The following INPP5D variants were observed in gnomAD, a reference collection of about 807,000 sequenced individuals.
INPP5D encodes inositol polyphosphate-5-phosphatase D, also known as phosphatidylinositol 3,4,5-trisphosphate 5-phosphatase 1.
Under a neutral mutation model 122.9 loss-of-function variants are expected in INPP5D, and 33 were observed. The observed-to-expected ratio is 0.27, with a 90% CI of 0.20 to 0.36. INPP5D has a LOEUF of 0.36. Among genes scored for constraint, INPP5D ranks in the 10% least tolerant of loss-of-function variants. The pLI is 1.00. For missense variants in INPP5D, 1,053 were observed against 1,412.7 expected (o/e 0.75, Z 4.08); for synonymous variants, 584 against 576.2 (o/e 1.01, Z -0.19).
At chr2:233,112,100 T>G (rs970596904) in intron 2 of INPP5D, among the ~76,000 whole-genome samples, 3 of 152,008 alleles carry the variant, frequency 2.0e-5, no homozygotes, top group African/African-American at 7.2e-5. Flanking sequence ...TAATAACATT[T>G]TTCCTCAAAC....
At chr2:233,081,775 C>A (rs1691696710) in intron 2 of INPP5D, among the ~76,000 whole-genome samples, 1 of 152,080 alleles carries the variant, frequency 6.6e-6, no homozygotes, top group African/African-American at 2.4e-5. Flanking sequence ...ATGGGGTCTG[C>A]ACGCAGCTTC....
At chr2:233,076,900 C>T (rs372001594) in intron 1 of INPP5D, among the ~76,000 whole-genome samples, 1 of 152,076 alleles carries the variant, frequency 6.6e-6, no homozygotes. Flanking sequence ...ACATTCATAT[C>T]CGGTTAGTAG....
In INPP5D at chr2:233,111,506, T is replaced by C. The variant is rs568134645; in HGVS notation, c.199-10601T>C. ...TTTCTTGTCTTTCATGACCTTGGCA[T>C]TTTTCAATAGAATAGGCTAATAATT... On this transcript the variant is annotated intron_variant, in intron 2 of 26. Transcript: ENST00000445964. 1.1e-4 allele frequency among the ~76,000 whole-genome samples: 16 copies of C among 152,360 alleles called. No individual in the cohort carries two copies. In the South Asian group the frequency reaches 3.3e-3, roughly 32 times the overall value.
chr2:233,113,806 C>T (rs1002049126), intron 2 of INPP5D, among the ~76,000 whole-genome samples: 1 of 152,200 alleles, frequency 6.6e-6, no homozygotes, highest in Non-Finnish European at 1.5e-5. Flanking sequence ...CTTGGACGCC[C>T]AGCGTCCACA....
intron 11 of INPP5D, among the ~76,000 whole-genome samples, chr2:233,162,247 G>A (rs932725168): frequency 1.4e-5 from 1 of 69,612 alleles, no homozygotes; most frequent in Admixed American, 1.5e-4. Flanking sequence ...GAGAGAGACA[G>A]AGAGATAGGT....
At chr2:233,119,186 C>T (rs1692892955) in intron 2 of INPP5D, among the ~76,000 whole-genome samples, 1 of 152,332 alleles carries the variant, frequency 6.6e-6, no homozygotes, top group East Asian at 1.9e-4. Context: ...CTCACATGCT[C>T]ACTCAAACAC....
chr2:233,146,856 GTTC>G (rs1226515864), intron 8 of INPP5D, among the ~76,000 whole-genome samples: 41 of 152,206 alleles, frequency 2.7e-4, no homozygotes, highest in African/African-American at 9.9e-4. Flanking sequence ...CCCAAAATGC[GTTC>G]TTCTTTACAA....
chr2:233,189,162 C>T lies in INPP5D; in HGVS notation c.2359-688C>T, dbSNP rs190309791. ...TGCAAAGCCTGTTAGCAGCCACCCC[C>T]GCTGCCAGCCAGGCCAGCAGGGCCT... On this transcript the variant is annotated intron_variant, in intron 21 of 26. Coordinates refer to ENST00000445964, the MANE Select transcript of INPP5D (RefSeq NM_001017915.3). This position sits in a 1 kb window ranked among gnomAD's most constrained non-coding sequence, Gnocchi z 5.6. 2.0e-5 allele frequency among the ~76,000 whole-genome samples: 3 copies of T among 152,212 alleles called. No individual in the cohort carries two copies. The highest frequency in any genetic ancestry group is 6.5e-5 in the Admixed American group (1 of 15,288).
intron 17 of INPP5D, among the ~76,000 whole-genome samples, chr2:233,173,570 TAATC>T (rs1395502410): frequency 9.8e-5 from 15 of 152,342 alleles, no homozygotes; most frequent in East Asian, 1.9e-4. Context: ...TTTATATTCT[TAATC>T]TATAAGCTTT....
In INPP5D at chr2:233,164,450, C is replaced by A; in HGVS notation, c.1555+26C>A. On this transcript the variant is annotated intron_variant, in intron 13 of 26. Coordinates refer to ENST00000445964, the MANE Select transcript of INPP5D (RefSeq NM_001017915.3). The surrounding 1 kb of genome is among the most constrained non-coding windows in gnomAD (Gnocchi z 4.3). ...GTGAGCAGGGCGGGGACCCTGTGTT[C>A]CTCCCACACCCTCTGCCTCAACTCT... The A allele has an allele frequency of 1.3e-6, 2 of 1,522,272 alleles. No homozygotes were observed. The highest frequency in any genetic ancestry group is 2.5e-5 in the South Asian group (2 of 81,314). 94.3% of individuals were successfully genotyped at this position (1,522,272 alleles called of 1,614,324 possible).
At chr2:233,104,581 C>T (rs896007908) in intron 2 of INPP5D, among the ~76,000 whole-genome samples, 1 of 151,960 alleles carries the variant, frequency 6.6e-6, no homozygotes, top group African/African-American at 2.4e-5. Flanking sequence ...GAGGGATGGT[C>T]GTGGTCCTCA....
At chr2:233,063,344 G>A (rs761589637) in intron 1 of INPP5D, among the ~76,000 whole-genome samples, 14 of 152,230 alleles carry the variant, frequency 9.2e-5, no homozygotes, top group Non-Finnish European at 1.8e-4. Flanking sequence ...GGCCCCAGCA[G>A]CACTCCCTCC....
chr2:233,190,145 C>T (rs900131310), intron 22 of INPP5D, among the ~76,000 whole-genome samples: 1 of 152,242 alleles, frequency 6.6e-6, no homozygotes, highest in African/African-American at 2.4e-5. Flanking sequence ...AGTGGCAACC[C>T]CTTCCATGTA....
chr2:233,060,649 G>A, intron 1 of INPP5D, 37 bp downstream of exon 1: 1 of 1,610,514 alleles, frequency 6.2e-7, no homozygotes, highest in Non-Finnish European at 8.5e-7. Flanking sequence ...GCACAGATAT[G>A]ACAGAGGGGC....
At chr2:233,086,949 A>G (rs996536274) in intron 2 of INPP5D, among the ~76,000 whole-genome samples, 1 of 152,104 alleles carries the variant, frequency 6.6e-6, no homozygotes, top group African/African-American at 2.4e-5. Context: ...ATTCCTAATG[A>G]CTTATGTTCC....
At position 233,135,833 on chromosome 2, in the gene INPP5D, A is replaced by G. The variant is rs375972055; in HGVS notation, c.666-4009A>G. On this transcript the variant is annotated intron_variant, in intron 5 of 26. Coordinates refer to ENST00000445964, the MANE Select transcript of INPP5D (RefSeq NM_001017915.3). ...AGGAATCCAAAAATTGTTTTTCAGA[A>G]ATTTTATAGTCCTGGTGATCTTAAA... Among the ~76,000 whole-genome samples, 19 of 152,262 alleles carry G rather than the reference A, an allele frequency of 1.2e-4. No homozygotes were observed. The East Asian group carries it at 1.3e-3, about 11-fold the overall frequency.
intron 2 of INPP5D, among the ~76,000 whole-genome samples, chr2:233,112,208 A>G (rs892172529): frequency 3.9e-5 from 6 of 152,078 alleles, no homozygotes; most frequent in African/African-American, 1.4e-4. Context: ...TGTCGCTTCG[A>G]CGGTTATTAA....
Position 233,170,653 on chromosome 2 carries a change from C to T in INPP5D, c.1900+49C>T. Reference sequence around the variant, plus strand: ...GAGCGGTGGCTCACACCTGTAATCCCAGCACTTTAGGAGGCCGAGGCGGGC... The same window carrying T: ...GAGCGGTGGCTCACACCTGTAATCCTAGCACTTTAGGAGGCCGAGGCGGGC... On this transcript the variant is annotated intron_variant, in intron 16 of 26. Coordinates refer to ENST00000445964, the MANE Select transcript of INPP5D (RefSeq NM_001017915.3). This position sits in a 1 kb window ranked among gnomAD's most constrained non-coding sequence, Gnocchi z 4.5. 6.2e-7 allele frequency: 1 copy of T among 1,601,338 alleles called. No individual in the cohort carries two copies. The highest frequency in any genetic ancestry group is 8.5e-7 in the Non-Finnish European group (1 of 1,172,408).
At chr2:233,161,530 A>G (rs1574775416) in intron 10 of INPP5D, among the ~76,000 whole-genome samples, 194 bp from the exon 11 acceptor site, 1 of 152,146 alleles carries the variant, frequency 6.6e-6, no homozygotes, top group Non-Finnish European at 1.5e-5. Flanking sequence ...TTAAAGTCGC[A>G]CCTTTGCAGG....
Sources: gnomAD v4.1 joint callset for allele counts (sites outside exome capture counted in the v4.1 genomes callset) on GRCh38, gnomAD v4.1.1 for gene constraint, Gnocchi (gnomAD v3.1) non-coding constraint, MANE v1.5 for transcripts, NCBI Gene and HGNC (gene_info 2026-07-23, HGNC 2026-07-21) for gene names.